The following TKFC variants were observed in gnomAD, a reference collection of about 807,000 sequenced individuals.
TKFC encodes triokinase/FMN cyclase.
TKFC carries 46 observed loss-of-function variants against 61.0 expected under a neutral mutation model. The ratio of observed to expected loss-of-function variants is 0.75; its 90% CI spans 0.60 to 0.96. The LOEUF (loss-of-function observed/expected upper bound fraction) is 0.96. Among genes scored for constraint, TKFC ranks in the 50% least tolerant of loss-of-function variants. The probability of loss-of-function intolerance (pLI) is 0.00; values close to 1 mark genes in which losing one functional copy is unlikely to be tolerated. For missense variants in TKFC, 715 were observed against 777.5 expected (o/e 0.92, Z 0.96); for synonymous variants, 314 against 330.1 (o/e 0.95, Z 0.53).
At chr11:61,350,872 A>G (rs953523143), downstream of TKFC, 31 of 1,411,904 alleles carry the variant, frequency 2.2e-5, no homozygotes, top group African/African-American at 4.3e-5. Flanking sequence ...CCCTCAAGTT[A>G]CTTGGTTTCC....
At chr11:61,339,467 C>A (rs1285852073) in intron 5 of TKFC, 32 bp downstream of exon 5, 1 of 1,565,780 alleles carries the variant, frequency 6.4e-7, no homozygotes, top group South Asian at 1.2e-5. Flanking sequence ...GGAGACTGGC[C>A]AGCCCTTTCC....
intron 1 of TKFC, chr11:61,334,357 G>A (rs760123114): frequency 1.8e-5 from 4 of 219,510 alleles, no homozygotes; most frequent in Non-Finnish European, 2.8e-5. Flanking sequence ...GAGGATCACT[G>A]TCCTTTAGTG....
At chr11:61,351,284 C>CTTTTTTT (rs909648792), downstream of TKFC, 10 of 293,464 alleles carry the variant, frequency 3.4e-5, no homozygotes, top group Admixed American at 7.1e-5. Flanking sequence ...AACACCCTTT[C>CTTTTTTT]TTTTTTTTTT....
At position 61,346,512 on chromosome 11, in the gene TKFC, A is replaced by T; in HGVS notation, c.*9A>T. ...AGGTCTTGCAGAGCTAGGGTGTGTG[A>T]CTGCCTCCCTTGGCCTCAGCTCCTC... On this transcript the variant is annotated 3_prime_UTR_variant, in exon 18 of 18. Transcript: ENST00000394900. This position sits in a 1 kb window ranked among gnomAD's most constrained non-coding sequence, Gnocchi z 4.1. 1 of 1,589,118 alleles carries T rather than the reference A, an allele frequency of 6.3e-7. No homozygotes were observed. The highest frequency in any genetic ancestry group is 8.6e-7 in the Non-Finnish European group (1 of 1,167,092).
chr11:61,340,997 G>A (rs994227112), intron 5 of TKFC, among the ~76,000 whole-genome samples: 8 of 152,138 alleles, frequency 5.3e-5, no homozygotes, highest in Non-Finnish European at 1.2e-4. Context: ...GGTGGAGACT[G>A]TGACTTAGTC....
At chr11:61,342,709 G>GGA (rs1275477831) in intron 9 of TKFC, 46 bp from the exon 10 acceptor site, 1 of 1,613,592 alleles carries the variant, frequency 6.2e-7, no homozygotes, top group Non-Finnish European at 8.5e-7. Flanking sequence ...CCTCTGGGGA[G>GGA]GAGACGCCCA....
Position 61,348,559 on chromosome 11 carries a change from C to T in TKFC, c.*2056C>T, listed in dbSNP as rs535646189. The T allele has an allele frequency of 1.7e-4, 165 of 943,366 alleles. No homozygotes were observed. In the African/African-American group the frequency reaches 2.5e-3, roughly 14 times the overall value. The allele number at this position is 943,366 out of a possible 1,614,324, so 58.4% of individuals were successfully genotyped here. ...CACCCCCACTATGGTAGTGTTAGGA[C>T]GTGGGGCCTTTGGGAGGTGATGGGG... On this transcript the variant is annotated 3_prime_UTR_variant, in exon 18 of 18. Coordinates refer to ENST00000394900, the MANE Select transcript of TKFC (RefSeq NM_015533.4).
intron 7 of TKFC, 160 bp from the exon 8 acceptor site, chr11:61,342,301 C>A: frequency 2.1e-6 from 2 of 932,718 alleles, no homozygotes; most frequent in South Asian, 2.9e-5. Flanking sequence ...GCCACAAGCT[C>A]CCAGAGAACA....
At chr11:61,335,520 A>C (rs1439167146) in intron 2 of TKFC, 1 of 152,344 alleles carries the variant, frequency 6.6e-6, no homozygotes, top group Non-Finnish European at 1.5e-5. Flanking sequence ...GAGTGAGGCC[A>C]ACTCACAACT....
downstream of TKFC, chr11:61,353,012 C>A: frequency 6.2e-7 from 1 of 1,614,142 alleles, no homozygotes; most frequent in Non-Finnish European, 8.5e-7. Flanking sequence ...CTCATTAATG[C>A]CCGAAATGAC....
At chr11:61,341,704 C>T in intron 6 of TKFC, 119 bp from the exon 7 acceptor site, 2 of 1,268,904 alleles carry the variant, frequency 1.6e-6, no homozygotes, top group Non-Finnish European at 2.3e-6. Flanking sequence ...GAGAGTCTGG[C>T]AGCCTTTCTC....
chr11:61,339,980 CT>C (rs964378442), intron 5 of TKFC, among the ~76,000 whole-genome samples: 5 of 151,832 alleles, frequency 3.3e-5, no homozygotes, highest in East Asian at 3.9e-4. Context: ...CTGCCTTCCT[CT>C]TTTTTTTATT....
Position 61,346,413 on chromosome 11 carries a change from T to A in TKFC, c.1638T>A (p.Tyr546Ter), listed in dbSNP as rs1338540676. 6.2e-7 allele frequency: 1 copy of A among 1,612,424 alleles called. No homozygotes were observed. The highest frequency in any genetic ancestry group is 1.7e-5 in the Admixed American group (1 of 59,996). Residue 546 changes from tyrosine to a stop codon, truncating the protein, a stop_gained, in exon 18 of 18, where the codon TAT becomes TAA. Coordinates refer to ENST00000394900, the MANE Select transcript of TKFC (RefSeq NM_015533.4). LOFTEE classifies it high-confidence loss of function. This position sits in a 1 kb window ranked among gnomAD's most constrained non-coding sequence, Gnocchi z 4.1. ...NMEAGAGRAS[Y>*]ISSARLEQPD... is the part of the protein sequence containing the mutation. ...AAGCTGGAGCCGGAAGAGCCAGTTA[T>A]ATCAGCTCAGCACGGCTGGAGCAGC...
At chr11:61,350,377 T>C, downstream of TKFC, 1 of 1,607,242 alleles carries the variant, frequency 6.2e-7, no homozygotes, top group Non-Finnish European at 8.5e-7. Context: ...CCAGGAGCTC[T>C]TGGGAGCCCC....
chr11:61,353,181 G>T, downstream of TKFC: 1 of 1,547,878 alleles, frequency 6.5e-7, no homozygotes, highest in South Asian at 1.3e-5. Context: ...TGCTATGTGT[G>T]ACCAAAGCAC....
downstream of TKFC, chr11:61,350,461 A>G (rs777685243): frequency 6.2e-7 from 1 of 1,608,506 alleles, no homozygotes; most frequent in South Asian, 1.1e-5. Flanking sequence ...TAATGACATG[A>G]TGCAGGAGTC....
downstream of TKFC, chr11:61,350,353 C>T: frequency 6.3e-7 from 1 of 1,597,492 alleles, no homozygotes; most frequent in Admixed American, 1.8e-5. Flanking sequence ...CTGAGGGGAG[C>T]ACAGGCTGCA....
In TKFC at chr11:61,333,293, C is replaced by A. The variant is rs1009040160; in HGVS notation, c.-146C>A. Reference sequence around the variant, plus strand: ...GGTCTCCGGGAAGTCGCGGCGCCTTCGGATGTGGCGGATGCGGCCGTGAGC... The same window carrying A: ...GGTCTCCGGGAAGTCGCGGCGCCTTAGGATGTGGCGGATGCGGCCGTGAGC... On this transcript the variant is annotated 5_prime_UTR_variant, in exon 1 of 18. Transcript: ENST00000394900. 3 of 228,368 alleles carry A rather than the reference C, an allele frequency of 1.3e-5. No individual in the cohort carries two copies. The highest frequency in any genetic ancestry group is 2.5e-5 in the Non-Finnish European group (3 of 117,860). 14.1% of individuals were successfully genotyped at this position (228,368 alleles called of 1,614,324 possible).
chr11:61,343,183 G>GGA (rs1856950274), intron 10 of TKFC, 159 bp from the exon 11 acceptor site: 1 of 683,498 alleles, frequency 1.5e-6, no homozygotes, highest in South Asian at 1.8e-5. Flanking sequence ...CAGGGAACGT[G>GGA]GTCATTTGTG....
Sources: allele counts gnomAD v4.1 joint callset (sites outside exome capture counted in the v4.1 genomes callset), GRCh38; gene constraint gnomAD v4.1.1; non-coding constraint Gnocchi (gnomAD v3.1); transcripts MANE v1.5; gene names NCBI Gene and HGNC (gene_info 2026-07-23, HGNC 2026-07-21).